The following SOX6 variants were observed in gnomAD, a reference collection of about 807,000 sequenced individuals.
The protein encoded by SOX6 is transcription factor SOX-6.
SOX6 carries 11 observed loss-of-function variants against 97.8 expected under a neutral mutation model. The observed-to-expected ratio is 0.11, with a 90% CI of 0.07 to 0.19. The LOEUF (loss-of-function observed/expected upper bound fraction) is 0.19. Ranked by LOEUF, SOX6 falls within the 10% of genes least tolerant of loss-of-function variation. The pLI, the probability that SOX6 is intolerant of heterozygous loss-of-function variation, is 1.00. For missense variants in SOX6, 810 were observed against 1,039.5 expected (o/e 0.78, Z 3.04); for synonymous variants, 360 against 371.4 (o/e 0.97, Z 0.35).
At chr11:16,337,714 C>T (rs760208014) in intron 2 of SOX6, among the ~76,000 whole-genome samples, 5 of 152,108 alleles carry the variant, frequency 3.3e-5, no homozygotes, top group Non-Finnish European at 5.9e-5. Flanking sequence ...TATAATTCAA[C>T]AATTTGGTGT....
At chr11:16,359,634 G>A (rs957473765), upstream of SOX6, among the ~76,000 whole-genome samples, 4 of 152,032 alleles carry the variant, frequency 2.6e-5, no homozygotes, top group East Asian at 5.8e-4. Flanking sequence ...CTACCTCTAC[G>A]TTCTTTCAAG....
chr11:16,225,478 CAA>C (rs11307642), intron 4 of SOX6, among the ~76,000 whole-genome samples: 2,549 of 127,998 alleles, frequency 0.02, 61 homozygotes, highest in African/African-American at 0.064. Context: ...AATTGCTATT[CAA>C]AAAAAAAAAA....
chr11:16,467,359 T>C (rs879694223), intron 1 of SOX6, among the ~76,000 whole-genome samples: 2 of 152,192 alleles, frequency 1.3e-5, no homozygotes, highest in Non-Finnish European at 2.9e-5. Flanking sequence ...GCAGCACTAT[T>C]CACAATAGCA....
At chr11:16,717,023 G>T (rs182619111) in intron 2 of SOX6, among the ~76,000 whole-genome samples, 85 of 152,014 alleles carry the variant, frequency 5.6e-4, no homozygotes, top group African/African-American at 1.6e-3. Flanking sequence ...CTTATGATTT[G>T]TATACTTTTC....
intron 1 of SOX6, chr11:16,402,535 A>G: frequency 3.1e-6 from 3 of 973,516 alleles, no homozygotes; most frequent in Non-Finnish European, 4.9e-6. Flanking sequence ...GATGGCCCAC[A>G]GAAGCAAACC....
intron 6 of SOX6, among the ~76,000 whole-genome samples, chr11:16,159,046 T>A (rs551518844): frequency 2.6e-4 from 40 of 152,026 alleles, no homozygotes; most frequent in Non-Finnish European, 1.5e-4. Context: ...AGAAAGACAA[T>A]GCAAATAGTC....
intron 4 of SOX6, among the ~76,000 whole-genome samples, chr11:16,503,996 T>C (rs1366875484): frequency 2.0e-5 from 3 of 151,584 alleles, no homozygotes; most frequent in Admixed American, 1.3e-4. Context: ...TGAGCTGAGA[T>C]TGCACCACTG....
At chr11:16,205,222 G>C (rs976943691) in intron 4 of SOX6, among the ~76,000 whole-genome samples, 5 of 152,136 alleles carry the variant, frequency 3.3e-5, no homozygotes, top group Non-Finnish European at 7.4e-5. Context: ...ATATGTGCTA[G>C]TTAAGGGAGG....
At position 16,293,860 on chromosome 11, in the gene SOX6, T is replaced by C. The variant is rs181291814; in HGVS notation, c.445+24586A>G. On this transcript the variant is annotated intron_variant, in intron 3 of 15. Transcript: ENST00000683767. ...ACCGCAGTGAGAGACGACCAGGCCC[T>C]ACATCTCCTCTGCTTGCACTGTTCT... Among the ~76,000 whole-genome samples the C allele has an allele frequency of 2.6e-5, 4 of 152,140 alleles. No individual in the cohort carries two copies. The East Asian group carries it at 5.8e-4, about 22-fold the overall frequency.
At chr11:16,530,436 G>T (rs968333311) in intron 4 of SOX6, among the ~76,000 whole-genome samples, 28 of 151,912 alleles carry the variant, frequency 1.8e-4, no homozygotes, top group African/African-American at 6.5e-4. Context: ...AAAATGGGAG[G>T]TGGAAGACTC....
At chr11:16,461,667 A>G (rs1320493578) in intron 1 of SOX6, among the ~76,000 whole-genome samples, 1 of 152,116 alleles carries the variant, frequency 6.6e-6, no homozygotes, top group African/African-American at 2.4e-5. Flanking sequence ...AGAACATGAA[A>G]AAGTCATTTC....
At chr11:16,635,180 C>T (rs191069045) in intron 3 of SOX6, among the ~76,000 whole-genome samples, 3 of 152,216 alleles carry the variant, frequency 2.0e-5, no homozygotes, top group African/African-American at 4.8e-5. Flanking sequence ...GAAGCAACTT[C>T]GAAACTGGGT....
intron 2 of SOX6, among the ~76,000 whole-genome samples, chr11:16,330,319 C>T (rs906976817): frequency 2.0e-5 from 3 of 152,036 alleles, no homozygotes; most frequent in East Asian, 3.9e-4. Context: ...TTTGGGAGGC[C>T]GAGGCGGGCA....
intron 9 of SOX6, among the ~76,000 whole-genome samples, chr11:16,091,936 A>G (rs542260547): frequency 6.6e-6 from 1 of 152,208 alleles, no homozygotes; most frequent in South Asian, 2.1e-4. Flanking sequence ...CTAGACAAAA[A>G]TCATTCTCTG....
At chr11:16,260,619 G>A (rs1354289743) in intron 3 of SOX6, among the ~76,000 whole-genome samples, 1 of 152,076 alleles carries the variant, frequency 6.6e-6, no homozygotes, top group African/African-American at 2.4e-5. Context: ...TCAATAAAAG[G>A]GACACACTGT....
At chr11:16,005,709 G>C (rs1289300669) in intron 13 of SOX6, among the ~76,000 whole-genome samples, 3 of 151,952 alleles carry the variant, frequency 2.0e-5, no homozygotes, top group Non-Finnish European at 2.9e-5. Context: ...ATTGATACCA[G>C]TAAGCTTCAA....
chr11:16,583,640 C>CATATGTATATATATATATATATAT (rs1342015213), intron 4 of SOX6, among the ~76,000 whole-genome samples: 7 of 92,816 alleles, frequency 7.5e-5, no homozygotes, highest in Non-Finnish European at 1.7e-4. Context: ...TATATATACA[C>CATATGTATATATATATATATATAT]ATACACACAC....
intron 4 of SOX6, among the ~76,000 whole-genome samples, chr11:16,192,816 T>A (rs1949483): frequency 3.3e-5 from 5 of 152,022 alleles, no homozygotes; most frequent in South Asian, 4.1e-4. Context: ...AAGTTAGCAC[T>A]ACAGTCTGCT....
chr11:16,276,664 G>T (rs1854410674), intron 3 of SOX6, among the ~76,000 whole-genome samples: 1 of 152,178 alleles, frequency 6.6e-6, no homozygotes, highest in South Asian at 2.1e-4. Context: ...AGGATTTGCA[G>T]GAATGCAATC....
Sources: allele counts gnomAD v4.1 joint callset (sites outside exome capture counted in the v4.1 genomes callset), GRCh38; gene constraint gnomAD v4.1.1; transcripts MANE v1.5; gene names NCBI Gene and HGNC (gene_info 2026-07-23, HGNC 2026-07-21).